The following MAML3 variants were observed in gnomAD, a reference collection of about 807,000 sequenced individuals.
MAML3 encodes the protein mastermind-like protein 3.
Under a neutral mutation model 101.9 loss-of-function variants are expected in MAML3, and 27 were observed. The ratio of observed to expected loss-of-function variants is 0.27; its 90% CI spans 0.20 to 0.37. The LOEUF is 0.37. Ranked by LOEUF, MAML3 falls within the 10% of genes least tolerant of loss-of-function variation. The probability of loss-of-function intolerance (pLI) is 1.00; values close to 1 mark genes in which losing one functional copy is unlikely to be tolerated. For missense variants in MAML3, 1,316 were observed against 1,444.9 expected, an observed-to-expected ratio of 0.91 and a Z score of 1.45; for synonymous variants, 501 against 555.9, an observed-to-expected ratio of 0.90 and a Z score of 1.39.
rs1001597025 is a variant in MAML3 at position 140,023,359 on chromosome 4, G to T, written c.468+129501C>A. 5.9e-5 allele frequency among the ~76,000 whole-genome samples: 9 copies of T among 152,120 alleles called. No homozygotes were observed. In the East Asian group the frequency reaches 1.7e-3, roughly 29 times the overall value. ...GTGCTTCCATGGCCATCATCAATGCGCATGGAAGCTGAGGTCTGTGGATAC... is the reference window on the plus strand; with the variant it reads ...GTGCTTCCATGGCCATCATCAATGCTCATGGAAGCTGAGGTCTGTGGATAC... On this transcript the variant is annotated intron_variant, in intron 1 of 4. Transcript: ENST00000509479.
In MAML3 at chr4:140,047,797, T is replaced by C. The variant is rs533228891; in HGVS notation, c.468+105063A>G. 9.0e-5 allele frequency among the ~76,000 whole-genome samples: 13 copies of C among 144,642 alleles called. No homozygotes were observed. In the East Asian group the frequency reaches 2.7e-3, roughly 30 times the overall value. The allele number at this position is 144,642 out of a possible 152,430, so 94.9% of individuals were successfully genotyped here. On this transcript the variant is annotated intron_variant, in intron 1 of 4. Transcript: ENST00000509479. ...TTTGGATACCTGTAAATAGCTCTGG[T>C]TTAGCTTGGAGGAGACTGAACTTAA...
In MAML3 at chr4:140,015,211, C is replaced by T. The variant is rs182431814; in HGVS notation, c.469-124244G>A. Among the ~76,000 whole-genome samples, 66 of 152,178 alleles carry T rather than the reference C, an allele frequency of 4.3e-4. 1 individual carries two copies. Among genetic ancestry groups the T allele is most frequent in the African/African-American group, 1.4e-3 (60 of 41,530 alleles). Reference sequence around the variant, plus strand: ...AACACAGAAGTATTGTCTACTGATGCACTTTTTAAAAGAAAAAAGTCAGAA... The same window carrying T: ...AACACAGAAGTATTGTCTACTGATGTACTTTTTAAAAGAAAAAAGTCAGAA... On this transcript the variant is annotated intron_variant, in intron 1 of 4. Transcript: ENST00000509479.
intron 2 of MAML3, among the ~76,000 whole-genome samples, chr4:139,864,934 T>TTTG (rs1731867505): frequency 3.5e-5 from 5 of 141,014 alleles, no homozygotes; most frequent in Admixed American, 2.1e-4. Context: ...TTTTTTTTTT[T>TTTG]TTTTTTTTTT....
At chr4:140,073,361 C>T (rs543983767) in intron 1 of MAML3, among the ~76,000 whole-genome samples, 1 of 152,266 alleles carries the variant, frequency 6.6e-6, no homozygotes, top group East Asian at 1.9e-4. Flanking sequence ...TGGTCTCAAA[C>T]TCCTGACCTC....
At chr4:140,009,599 T>C (rs956524980) in intron 1 of MAML3, among the ~76,000 whole-genome samples, 1 of 152,234 alleles carries the variant, frequency 6.6e-6, no homozygotes, top group Admixed American at 6.5e-5. Context: ...AAACATCACT[T>C]CACTAAATTC....
intron 1 of MAML3, among the ~76,000 whole-genome samples, chr4:140,137,213 C>T (rs1213444988): frequency 6.6e-6 from 1 of 152,328 alleles, no homozygotes; most frequent in African/African-American, 2.4e-5. Context: ...TGGTCTCGAT[C>T]TCCTGACCTC....
chr4:140,104,408 A>ATATTATATATT (rs368174569), intron 1 of MAML3, among the ~76,000 whole-genome samples: 2 of 54,962 alleles, frequency 3.6e-5, no homozygotes, highest in South Asian at 4.6e-4. Context: ...TATAATATAT[A>ATATTATATATT]ATATAATATA....
chr4:140,126,903 G>C (rs1281352870), intron 1 of MAML3, among the ~76,000 whole-genome samples: 1 of 152,038 alleles, frequency 6.6e-6, no homozygotes, highest in Non-Finnish European at 1.5e-5. Context: ...AATATATTTT[G>C]AAAATGGTCT....
intron 1 of MAML3, among the ~76,000 whole-genome samples, chr4:140,118,446 TAAAC>T (rs1205685021): frequency 2.0e-5 from 3 of 152,128 alleles, no homozygotes; most frequent in Non-Finnish European, 4.4e-5. Flanking sequence ...ATAATAATAA[TAAAC>T]AATGAAAATG....
chr4:139,992,301 G>A (rs886706138), intron 1 of MAML3, among the ~76,000 whole-genome samples: 6 of 152,090 alleles, frequency 3.9e-5, no homozygotes, highest in African/African-American at 1.4e-4. Flanking sequence ...ATGAACATTT[G>A]TGTATGTTTC....
chr4:139,859,883 A>G (rs1448676699), intron 2 of MAML3, among the ~76,000 whole-genome samples: 1 of 152,036 alleles, frequency 6.6e-6, no homozygotes, highest in African/African-American at 2.4e-5. Context: ...ACGTGTAAAG[A>G]TTTTTTTTAG....
chr4:140,151,721 T>G (rs2111069490), intron 1 of MAML3, among the ~76,000 whole-genome samples: 1 of 149,566 alleles, frequency 6.7e-6, no homozygotes, highest in East Asian at 2.0e-4. Context: ...TTTCCCAAGC[T>G]TCCGGCCTCC....
Position 139,835,631 on chromosome 4 carries a change from C to T in MAML3, c.2079+53726G>A, listed in dbSNP as rs79826097. Among the ~76,000 whole-genome samples the T allele has an allele frequency of 5.9e-3, 892 of 152,220 alleles. 7 individuals are homozygous for T. Among genetic ancestry groups the T allele is most frequent in the African/African-American group, 0.02 (841 of 41,540 alleles). ...TAATTTGACTTCTCCAATTTATCAA[C>T]GGGGACCTGCCCTATTTTTACTCGG... On this transcript the variant is annotated intron_variant, in intron 2 of 4. Transcript: ENST00000509479.
intron 1 of MAML3, among the ~76,000 whole-genome samples, chr4:140,023,821 TATC>T (rs989287828): frequency 6.6e-6 from 1 of 152,238 alleles, no homozygotes; most frequent in Non-Finnish European, 1.5e-5. Context: ...TTGGAAAAAT[TATC>T]ATAAGCCAAA....
chr4:139,917,875 C>G (rs940077960), intron 1 of MAML3, among the ~76,000 whole-genome samples: 2 of 152,110 alleles, frequency 1.3e-5, no homozygotes, highest in African/African-American at 2.4e-5. Context: ...GGTTTTATAT[C>G]TCTTATTAAA....
chr4:140,057,164 T>C (rs1161431515), intron 1 of MAML3, among the ~76,000 whole-genome samples: 1 of 152,214 alleles, frequency 6.6e-6, no homozygotes, highest in Non-Finnish European at 1.5e-5. Context: ...TAGTCCCAGC[T>C]ATTTGGGCGG....
At chr4:139,872,647 T>G (rs761718137) in intron 2 of MAML3, among the ~76,000 whole-genome samples, 4 of 151,988 alleles carry the variant, frequency 2.6e-5, no homozygotes, top group Non-Finnish European at 5.9e-5. Context: ...GGGTGAGAAC[T>G]TCAGAAGGAA....
intron 1 of MAML3, among the ~76,000 whole-genome samples, chr4:139,911,718 C>T (rs373758739): frequency 7.7e-4 from 117 of 152,180 alleles, no homozygotes; most frequent in African/African-American, 2.7e-3. Context: ...TTATAAGAGG[C>T]CCCAGAGATC....
At chr4:139,820,264 C>G (rs1170921256) in intron 2 of MAML3, among the ~76,000 whole-genome samples, 2 of 152,164 alleles carry the variant, frequency 1.3e-5, no homozygotes, top group Non-Finnish European at 2.9e-5. Flanking sequence ...TATGAAATTA[C>G]AAAAACATCA....
Sources: allele counts gnomAD v4.1 joint callset (sites outside exome capture counted in the v4.1 genomes callset), GRCh38; gene constraint gnomAD v4.1.1; transcripts MANE v1.5; gene names NCBI Gene and HGNC (gene_info 2026-07-23, HGNC 2026-07-21).